Variants in PIEZO2 observed in about 807,000 individuals in gnomAD.
PIEZO2 encodes piezo type mechanosensitive ion channel component 2.
PIEZO2 carries 172 observed loss-of-function variants against 337.3 expected under a neutral mutation model. The observed-to-expected ratio is 0.51, with a 90% confidence interval of 0.45 to 0.58. The LOEUF (loss-of-function observed/expected upper bound fraction) is 0.58, where lower values mean the gene tolerates loss of function less well. Ranked by LOEUF, PIEZO2 falls within the 20% of genes least tolerant of loss-of-function variation. The pLI is 0.00. For synonymous variants in PIEZO2, 1,251 were observed against 1,228.5 expected, an observed-to-expected ratio of 1.02 and a Z score of -0.38; for missense variants, 3,028 against 3,391.3, an observed-to-expected ratio of 0.89 and a Z score of 2.66.
chr18:11,039,351 G>T (rs1363752458), intron 2 of PIEZO2, among the ~76,000 whole-genome samples: 1 of 152,132 alleles, frequency 6.6e-6, no homozygotes, highest in Non-Finnish European at 1.5e-5. Flanking sequence ...TAGGCAGAAA[G>T]GGCGGAAAAA....
chr18:10,675,076 G>T, intron 54 of PIEZO2, 133 bp downstream of exon 54: 1 of 547,648 alleles, frequency 1.8e-6, no homozygotes, highest in South Asian at 2.5e-5. Flanking sequence ...GCTGTCAGGG[G>T]TTTCATATAT....
chr18:11,029,251 C>T (rs1281622123), intron 2 of PIEZO2, among the ~76,000 whole-genome samples: 3 of 152,202 alleles, frequency 2.0e-5, no homozygotes, highest in Admixed American at 1.3e-4. Flanking sequence ...TTGCTCCAGA[C>T]CCGGCTCCCC....
chr18:11,075,160 T>C (rs2038485188), intron 1 of PIEZO2, among the ~76,000 whole-genome samples: 1 of 152,260 alleles, frequency 6.6e-6, no homozygotes, highest in African/African-American at 2.4e-5. Context: ...GACAAAACAG[T>C]TCTGTCGGTC....
At chr18:10,695,354 G>A (rs897787333) in intron 47 of PIEZO2, among the ~76,000 whole-genome samples, 7 of 152,180 alleles carry the variant, frequency 4.6e-5, no homozygotes, top group African/African-American at 1.7e-4. Context: ...GCACACTGGG[G>A]AACTGAAGGT....
Position 10,773,321 on chromosome 18 carries a change from A to G in PIEZO2, c.2785+91T>C. 1 of 1,312,066 alleles carries G rather than the reference A, an allele frequency of 7.6e-7. No individual in the cohort carries two copies. The highest frequency in any genetic ancestry group is 1.1e-6 in the Non-Finnish European group (1 of 948,776). The allele number at this position is 1,312,066 out of a possible 1,614,324, so 81.3% of individuals were successfully genotyped here. On this transcript the variant is annotated intron_variant, in intron 20 of 55. Transcript: ENST00000674853. The surrounding 1 kb of genome is among the most constrained non-coding windows in gnomAD (Gnocchi z 5.3). ...AATTTTTATGTCATGGACTGGGTCAAATATATATTCTTTTGGAGCAAGTCA... is the reference window on the plus strand; with the variant it reads ...AATTTTTATGTCATGGACTGGGTCAGATATATATTCTTTTGGAGCAAGTCA...
At chr18:11,120,543 G>A (rs537092922) in intron 1 of PIEZO2, among the ~76,000 whole-genome samples, 2 of 152,234 alleles carry the variant, frequency 1.3e-5, no homozygotes, top group South Asian at 2.1e-4. Context: ...AGAGGGTTTC[G>A]AAGCAGGAAA....
chr18:10,784,700 T>G lies in PIEZO2; in HGVS notation c.2492+84A>C, dbSNP rs2144114889. 7.8e-7 allele frequency: 1 copy of G among 1,282,964 alleles called. No individual in the cohort carries two copies. Among genetic ancestry groups the G allele is most frequent in the Middle Eastern group, 2.5e-4 (1 of 3,996 alleles). The allele number at this position is 1,282,964 out of a possible 1,614,324, so 79.5% of individuals were successfully genotyped here. The stretch of plus-strand genomic sequence containing the variant: ...AGGCTGAAACTTTTAGATTACTGGC[T>G]TCTCGCAAGGTGGCCAACCTAAGGT... On this transcript the variant is annotated intron_variant, in intron 17 of 55. Transcript: ENST00000674853. This position sits in a 1 kb window ranked among gnomAD's most constrained non-coding sequence, Gnocchi z 4.5.
At position 11,035,989 on chromosome 18, in the gene PIEZO2, C is replaced by T. The variant is rs1415049703; in HGVS notation, c.160+30138G>A. 6.6e-6 allele frequency among the ~76,000 whole-genome samples: 1 copy of T among 152,208 alleles called. No homozygotes were observed. The highest frequency in any genetic ancestry group is 2.4e-5 in the African/African-American group (1 of 41,448). On this transcript the variant is annotated intron_variant, in intron 2 of 55. Transcript: ENST00000674853. This position sits in a 1 kb window ranked among gnomAD's most constrained non-coding sequence, Gnocchi z 4.3. ...GAAGCACAGGTGCTCAGTTGGGGCA[C>T]ACCTTGGAGTCACCTGGGATCTGTC... is the stretch of plus-strand genomic sequence containing the variant.
chr18:10,717,369 G>A (rs2036052428), intron 37 of PIEZO2, among the ~76,000 whole-genome samples: 1 of 152,162 alleles, frequency 6.6e-6, no homozygotes, highest in Non-Finnish European at 1.5e-5. Flanking sequence ...GGCATTAGGT[G>A]GCCTTCCGTA....
At position 11,109,723 on chromosome 18, in the gene PIEZO2, A is replaced by G. The variant is rs1314849614; in HGVS notation, c.64+38802T>C. Among the ~76,000 whole-genome samples, 1 of 152,144 alleles carries G rather than the reference A, an allele frequency of 6.6e-6. No homozygotes were observed. Among genetic ancestry groups the G allele is most frequent in the Non-Finnish European group, 1.5e-5 (1 of 68,024 alleles). Reference sequence around the variant, plus strand: ...ACAGAGTGAGACTCCATCTCAAAAAAAAAAGGTACTAGAAACAGAATCCTT... The same window carrying G: ...ACAGAGTGAGACTCCATCTCAAAAAGAAAAGGTACTAGAAACAGAATCCTT... On this transcript the variant is annotated intron_variant, in intron 1 of 55. Transcript: ENST00000674853. This position sits in a 1 kb window ranked among gnomAD's most constrained non-coding sequence, Gnocchi z 5.1.
intron 45 of PIEZO2, among the ~76,000 whole-genome samples, chr18:10,696,868 C>T (rs1258558242): frequency 1.3e-5 from 2 of 152,244 alleles, no homozygotes; most frequent in East Asian, 1.9e-4. Flanking sequence ...TCACCACCGG[C>T]GAGAACCATG....
At chr18:11,005,141 C>T (rs1185100383) in intron 2 of PIEZO2, among the ~76,000 whole-genome samples, 2 of 152,172 alleles carry the variant, frequency 1.3e-5, no homozygotes, top group East Asian at 1.9e-4. Context: ...CCCAAGGGAC[C>T]TACAAATGGT....
intron 31 of PIEZO2, among the ~76,000 whole-genome samples, chr18:10,743,388 C>T (rs965050947): frequency 6.6e-6 from 1 of 152,122 alleles, no homozygotes; most frequent in Admixed American, 6.5e-5. Context: ...TGGCCATCAC[C>T]TTTTAAACCT....
At chr18:10,865,716 T>G (rs184550663) in intron 5 of PIEZO2, among the ~76,000 whole-genome samples, 54 of 152,244 alleles carry the variant, frequency 3.5e-4, no homozygotes, top group African/African-American at 1.3e-3. Context: ...GAAATTCTAT[T>G]TCAGGGGTAT....
In PIEZO2 at chr18:11,127,166, G is replaced by T. The variant is rs1004167540; in HGVS notation, c.64+21359C>A. ...GATAATGACAGAAGTGTGTTGTGACGGTGAGTGACCAGGATCAGGTGTTTG... is the reference window on the plus strand; with the variant it reads ...GATAATGACAGAAGTGTGTTGTGACTGTGAGTGACCAGGATCAGGTGTTTG... On this transcript the variant is annotated intron_variant, in intron 1 of 55. Coordinates refer to ENST00000674853, the MANE Select transcript of PIEZO2 (RefSeq NM_001378183.1). The surrounding 1 kb of genome is among the most constrained non-coding windows in gnomAD (Gnocchi z 4.5). 6.6e-6 allele frequency among the ~76,000 whole-genome samples: 1 copy of T among 152,118 alleles called. No individual in the cohort carries two copies. The highest frequency in any genetic ancestry group is 1.5e-5 in the Non-Finnish European group (1 of 68,022).
At chr18:10,704,798 C>T in intron 41 of PIEZO2, 146 bp from the exon 42 acceptor site, 1 of 967,830 alleles carries the variant, frequency 1.0e-6, no homozygotes, top group Non-Finnish European at 1.5e-6. Context: ...CATTCTCCTG[C>T]TTCAGCCTCC....
rs908212585 is a variant in PIEZO2, at chr18:10,676,524, A to T, written c.8081+1223T>A. Among the ~76,000 whole-genome samples the T allele has an allele frequency of 2.0e-5, 3 of 152,150 alleles. No homozygotes were observed. The highest frequency in any genetic ancestry group is 7.2e-5 in the African/African-American group (3 of 41,432). On this transcript the variant is annotated intron_variant, in intron 53 of 55. Coordinates refer to ENST00000674853, the MANE Select transcript of PIEZO2 (RefSeq NM_001378183.1). This position sits in a 1 kb window ranked among gnomAD's most constrained non-coding sequence, Gnocchi z 5.1. ...AGATATATAATATGTTTTTTTCCAA[A>T]TTTCCTTTTACCCCTTGTCCTCCTC...
intron 10 of PIEZO2, among the ~76,000 whole-genome samples, chr18:10,801,178 G>C (rs1414471257): frequency 1.3e-5 from 2 of 152,150 alleles, no homozygotes; most frequent in African/African-American, 2.4e-5. Flanking sequence ...TTTTTAAAAA[G>C]CCCACAAAGC....
At chr18:10,817,147 A>T (rs2144420894) in intron 7 of PIEZO2, among the ~76,000 whole-genome samples, 1 of 152,324 alleles carries the variant, frequency 6.6e-6, no homozygotes. Context: ...TCAGTTGGAA[A>T]GTTCTTTTCT....
Sources: allele counts gnomAD v4.1 joint callset (sites outside exome capture counted in the v4.1 genomes callset), GRCh38; gene constraint gnomAD v4.1.1; non-coding constraint Gnocchi (gnomAD v3.1); transcripts MANE v1.5; gene names NCBI Gene and HGNC (gene_info 2026-07-23, HGNC 2026-07-21).